The following PKNOX2 variants were observed in gnomAD, a reference collection of about 807,000 sequenced individuals.
The protein encoded by PKNOX2 is homeobox protein PKNOX2.
Under a neutral mutation model 53.1 loss-of-function variants are expected in PKNOX2, and 14 were observed. That is an observed-to-expected ratio of 0.26 (90% CI 0.17 to 0.41). PKNOX2 has a LOEUF of 0.41. Ranked by LOEUF, PKNOX2 falls within the 10% of genes least tolerant of loss-of-function variation. PKNOX2 has a pLI of 1.00. For missense variants in PKNOX2, 496 were observed against 602.8 expected (o/e 0.82, Z 1.85); for synonymous variants, 257 against 242.8 (o/e 1.06, Z -0.54).
intron 1 of PKNOX2, among the ~76,000 whole-genome samples, chr11:125,208,974 C>A (rs1939495685): frequency 6.6e-6 from 1 of 151,846 alleles, no homozygotes; most frequent in African/African-American, 2.4e-5. Context: ...GTTTCAGGGT[C>A]TCAGGAGAGA....
chr11:125,392,350 A>G (rs539700886), intron 6 of PKNOX2, among the ~76,000 whole-genome samples: 3 of 152,374 alleles, frequency 2.0e-5, no homozygotes, highest in African/African-American at 7.2e-5. Context: ...CTGCCTGACA[A>G]TGAACCCACA....
intron 4 of PKNOX2, among the ~76,000 whole-genome samples, chr11:125,354,983 C>T (rs941136445): frequency 2.0e-5 from 3 of 152,106 alleles, no homozygotes; most frequent in South Asian, 2.1e-4. Flanking sequence ...AGTGCAAAAG[C>T]GGGCTGGGCA....
intron 2 of PKNOX2, among the ~76,000 whole-genome samples, chr11:125,282,218 T>C (rs935414374): frequency 6.6e-6 from 1 of 152,228 alleles, no homozygotes; most frequent in Non-Finnish European, 1.5e-5. Flanking sequence ...CAAACAAAAT[T>C]GGGTTTGAAA....
intron 1 of PKNOX2, among the ~76,000 whole-genome samples, chr11:125,197,137 G>C (rs1937808082): frequency 6.6e-6 from 1 of 152,218 alleles, no homozygotes; most frequent in Non-Finnish European, 1.5e-5. Flanking sequence ...GCTTCTCTGA[G>C]GGGACAGAGA....
intron 3 of PKNOX2, among the ~76,000 whole-genome samples, chr11:125,345,483 C>T (rs918406849): frequency 2.0e-5 from 3 of 152,178 alleles, no homozygotes; most frequent in African/African-American, 7.2e-5. Flanking sequence ...ACCCCGCCTC[C>T]AGCTTGTCAC....
chr11:125,258,621 AT>A (rs1314646298), intron 2 of PKNOX2: 1 of 166,172 alleles, frequency 6.0e-6, no homozygotes, highest in Non-Finnish European at 1.3e-5. Flanking sequence ...ATAAATCCTA[AT>A]GAATATATTT....
intron 6 of PKNOX2, among the ~76,000 whole-genome samples, chr11:125,386,713 AAC>A (rs3138544): frequency 0.29 from 40,920 of 140,792 alleles, 5,881 homozygotes; most frequent in Non-Finnish European, 0.34. Context: ...GAAGAAAAAG[AAC>A]ACACACACAC....
chr11:125,267,270 T>A (rs1445371219), intron 2 of PKNOX2, among the ~76,000 whole-genome samples: 1 of 152,182 alleles, frequency 6.6e-6, no homozygotes, highest in African/African-American at 2.4e-5. Context: ...TGTGTTCCCG[T>A]ACCCACGTGG....
In PKNOX2 at chr11:125,351,365, GC is replaced by G; in HGVS notation, c.65del (p.Pro22HisfsTer9). 6.2e-7 allele frequency: 1 copy of G among 1,605,170 alleles called. No homozygotes were observed. Among genetic ancestry groups the G allele is most frequent in the Non-Finnish European group, 8.5e-7 (1 of 1,173,806 alleles). On this transcript the variant is annotated frameshift_variant, in exon 4 of 13. Coordinates refer to ENST00000298282, the MANE Select transcript of PKNOX2 (RefSeq NM_001382323.2). LOFTEE classifies it high-confidence loss of function. Reference sequence around the variant, plus strand: ...CGATGATGGCCACGCAGAATGTCCCGCCCCCACCCTACCAGGACAGCCCACA... The same window carrying G: ...CGATGATGGCCACGCAGAATGTCCCGCCCCACCCTACCAGGACAGCCCACA... ...LTMMATQNVP[P>X]PPYQDSPQMT...
At chr11:125,369,515 T>G (rs993387608) in intron 5 of PKNOX2, among the ~76,000 whole-genome samples, 1 of 152,216 alleles carries the variant, frequency 6.6e-6, no homozygotes, top group African/African-American at 2.4e-5. Flanking sequence ...GGAGGGTCAA[T>G]GTGTAGTCTC....
chr11:125,345,949 A>T (rs1277820742), intron 3 of PKNOX2, among the ~76,000 whole-genome samples: 1 of 152,126 alleles, frequency 6.6e-6, no homozygotes, highest in Non-Finnish European at 1.5e-5. Flanking sequence ...CACTTCTGGG[A>T]AGGGAGCTGG....
intron 10 of PKNOX2, among the ~76,000 whole-genome samples, 183 bp downstream of exon 10, chr11:125,412,048 T>G (rs1016500731): frequency 6.6e-6 from 1 of 152,176 alleles, no homozygotes; most frequent in Non-Finnish European, 1.5e-5. Context: ...GGCCTAAAGC[T>G]GGAGACCTTC....
chr11:125,430,072 T>C lies in PKNOX2; in HGVS notation c.1123T>C (p.Phe375Leu). Residue 375 changes from phenylalanine (F) to leucine (L), a missense_variant, in exon 12 of 13, where the codon TTC (phenylalanine) becomes CTC (leucine). Phe to Leu is a conservative substitution (Grantham distance 22). This residue lies in a region of PKNOX2 where 139 missense variants were observed against 161.3 expected (regional missense o/e 0.86). Coordinates refer to ENST00000298282, the MANE Select transcript of PKNOX2 (RefSeq NM_001382323.2). Reference sequence around the variant, plus strand: ...GTCTCAGCACCGGCCCACCCAAAGATTCTGGCCCAACTCCATCGCTGCGGG... The same window carrying C: ...GTCTCAGCACCGGCCCACCCAAAGACTCTGGCCCAACTCCATCGCTGCGGG... ...IKSQHRPTQR[F>L]WPNSIAAGVL... 6.2e-7 allele frequency: 1 copy of C among 1,614,092 alleles called. No individual in the cohort carries two copies. Among genetic ancestry groups the C allele is most frequent in the Non-Finnish European group, 8.5e-7 (1 of 1,180,004 alleles).
chr11:125,361,249 G>T (rs1474433247), intron 4 of PKNOX2, among the ~76,000 whole-genome samples: 1 of 152,238 alleles, frequency 6.6e-6, no homozygotes, highest in Non-Finnish European at 1.5e-5. Context: ...TAGTGAGGAG[G>T]GAGGCGAGTG....
At chr11:125,324,069 T>C (rs1354688230) in intron 2 of PKNOX2, among the ~76,000 whole-genome samples, 1 of 152,186 alleles carries the variant, frequency 6.6e-6, no homozygotes, top group Non-Finnish European at 1.5e-5. Context: ...CCTAGATTCT[T>C]TGTCAAATGA....
intron 10 of PKNOX2, among the ~76,000 whole-genome samples, chr11:125,415,983 A>G (rs1380993779): frequency 2.0e-5 from 3 of 152,178 alleles, no homozygotes; most frequent in Non-Finnish European, 2.9e-5. Context: ...CTATACTGTA[A>G]CATCTATAAA....
chr11:125,324,625 C>T (rs1022839639), intron 2 of PKNOX2, among the ~76,000 whole-genome samples: 4 of 152,126 alleles, frequency 2.6e-5, no homozygotes, highest in African/African-American at 9.7e-5. Context: ...GAACGGTCCT[C>T]GTGCAGCCTG....
At chr11:125,233,796 T>C (rs548359224) in intron 1 of PKNOX2, among the ~76,000 whole-genome samples, 1 of 152,336 alleles carries the variant, frequency 6.6e-6, no homozygotes, top group South Asian at 2.1e-4. Context: ...CCAAAAAGGC[T>C]TGCTTGTCTT....
At chr11:125,248,062 C>G (rs1450381187) in intron 2 of PKNOX2, among the ~76,000 whole-genome samples, 1 of 152,196 alleles carries the variant, frequency 6.6e-6, no homozygotes, top group Non-Finnish European at 1.5e-5. Context: ...TGTCAGTCCT[C>G]GGTCCATGGC....
Sources: gnomAD v4.1 joint callset for allele counts (sites outside exome capture counted in the v4.1 genomes callset) on GRCh38, gnomAD v4.1.1 for gene constraint, gnomAD v4.1.1 regional missense constraint, MANE v1.5 for transcripts, NCBI Gene and HGNC (gene_info 2026-07-23, HGNC 2026-07-21) for gene names.